The following SCOC variants were observed in gnomAD, a reference collection of about 807,000 sequenced individuals.
SCOC encodes short coiled coil protein.
SCOC carries 7 observed loss-of-function variants against 9.9 expected under a neutral mutation model. That is an observed-to-expected ratio of 0.71 (90% CI 0.40 to 1.33). The LOEUF (loss-of-function observed/expected upper bound fraction) is 1.33. Ranked by LOEUF, SCOC falls within the 40% of genes most tolerant of loss-of-function variation. The probability of loss-of-function intolerance (pLI) is 0.01; values close to 1 mark genes in which losing one functional copy is unlikely to be tolerated. For missense variants in SCOC, 66 were observed against 89.7 expected, an observed-to-expected ratio of 0.74 and a Z score of 1.07; for synonymous variants, 19 against 28.2, an observed-to-expected ratio of 0.67 and a Z score of 1.03.
At chr4:140,365,400 T>G (rs1727747900) in intron 2 of SCOC, among the ~76,000 whole-genome samples, 1 of 152,214 alleles carries the variant, frequency 6.6e-6, no homozygotes, top group African/African-American at 2.4e-5. Context: ...AGACTGCTTT[T>G]GACTTCTTGG....
intron 1 of SCOC, among the ~76,000 whole-genome samples, chr4:140,321,175 C>T (rs993902456): frequency 2.6e-5 from 4 of 152,110 alleles, no homozygotes; most frequent in African/African-American, 9.7e-5. Flanking sequence ...TAAATTAACA[C>T]AAATTCCCAC....
At chr4:140,287,198 CAT>C (rs943959888) in intron 1 of SCOC, among the ~76,000 whole-genome samples, 2 of 151,638 alleles carry the variant, frequency 1.3e-5, no homozygotes, top group African/African-American at 4.9e-5. Flanking sequence ...TACACACACA[CAT>C]CATGTGCAAA....
intron 2 of SCOC, among the ~76,000 whole-genome samples, chr4:140,364,995 A>G (rs769937197): frequency 3.9e-5 from 6 of 152,184 alleles, no homozygotes; most frequent in Non-Finnish European, 8.8e-5. Context: ...GAGCATCATG[A>G]CAGTCTGGAA....
intron 1 of SCOC, among the ~76,000 whole-genome samples, chr4:140,285,987 C>T (rs1731255987): frequency 6.6e-6 from 1 of 151,984 alleles, no homozygotes; most frequent in Non-Finnish European, 1.5e-5. Flanking sequence ...GAGTTTGAGA[C>T]CAGCCTGGCC....
chr4:140,294,015 T>G (rs1434866183), intron 1 of SCOC, among the ~76,000 whole-genome samples: 1 of 152,196 alleles, frequency 6.6e-6, no homozygotes, highest in Non-Finnish European at 1.5e-5. Context: ...GGAAAGAAGT[T>G]AAAGAAGGGC....
chr4:140,330,760 T>C (rs1010977141), intron 1 of SCOC, among the ~76,000 whole-genome samples: 4 of 152,218 alleles, frequency 2.6e-5, no homozygotes, highest in Admixed American at 1.3e-4. Context: ...TGTGAGGATA[T>C]GGACATGAAA....
At chr4:140,317,441 C>T (rs990108756) in intron 1 of SCOC, among the ~76,000 whole-genome samples, 3 of 152,036 alleles carry the variant, frequency 2.0e-5, no homozygotes, top group South Asian at 2.1e-4. Context: ...TGTTCTGTTC[C>T]GTTCTGATTA....
chr4:140,370,894 C>CTTTT (rs200698292), upstream of SCOC, among the ~76,000 whole-genome samples: 1 of 142,954 alleles, frequency 7.0e-6, no homozygotes, highest in Non-Finnish European at 1.5e-5. Flanking sequence ...TGTCTGAATT[C>CTTTT]TTTTTTTTTT....
intron 1 of SCOC, among the ~76,000 whole-genome samples, chr4:140,277,320 G>T (rs1354510547): frequency 6.6e-6 from 1 of 152,126 alleles, no homozygotes; most frequent in Non-Finnish European, 1.5e-5. Context: ...GAGTTGGGGG[G>T]GGCAGGGGGT....
intron 2 of SCOC, among the ~76,000 whole-genome samples, chr4:140,357,083 C>T (rs1423894302): frequency 6.6e-6 from 1 of 152,144 alleles, no homozygotes; most frequent in Non-Finnish European, 1.5e-5. Context: ...GATTTTCCTG[C>T]CTCAGCCTCT....
chr4:140,366,769 A>G (rs1727816758), intron 2 of SCOC: 7 of 1,452,072 alleles, frequency 4.8e-6, no homozygotes, highest in Non-Finnish European at 5.8e-6. Context: ...GTTTTGATCA[A>G]TAACATCTAC....
intron 2 of SCOC, among the ~76,000 whole-genome samples, chr4:140,363,278 C>T (rs577106937): frequency 1.1e-3 from 162 of 152,246 alleles, no homozygotes; most frequent in Middle Eastern, 3.4e-3. Context: ...AACAGGCAAT[C>T]GTTAGCTTGT....
At chr4:140,300,567 C>A (rs1391548478) in intron 1 of SCOC, among the ~76,000 whole-genome samples, 1 of 152,208 alleles carries the variant, frequency 6.6e-6, no homozygotes, top group Non-Finnish European at 1.5e-5. Flanking sequence ...GGTGTCTCTG[C>A]TGGGCATTTG....
At chr4:140,322,529 G>A (rs182115570) in intron 1 of SCOC, among the ~76,000 whole-genome samples, 7 of 152,280 alleles carry the variant, frequency 4.6e-5, no homozygotes, top group Admixed American at 4.6e-4. Context: ...AAAGAACTTA[G>A]CTGAATTATG....
chr4:140,318,094 A>T (rs541337151), intron 1 of SCOC, among the ~76,000 whole-genome samples: 36 of 152,076 alleles, frequency 2.4e-4, no homozygotes, highest in African/African-American at 8.7e-4. Context: ...AATCCAGTTG[A>T]TTTAAACGTT....
chr4:140,308,947 C>G (rs996802191), intron 1 of SCOC, among the ~76,000 whole-genome samples: 12 of 152,128 alleles, frequency 7.9e-5, no homozygotes, highest in African/African-American at 2.9e-4. Flanking sequence ...TAGCCACAGC[C>G]CCAGTGTTTT....
Position 140,318,644 on chromosome 4 carries a change from A to G in SCOC, c.-18-24977A>G, listed in dbSNP as rs765288231. Among the ~76,000 whole-genome samples, 113 of 135,140 alleles carry G rather than the reference A, an allele frequency of 8.4e-4. 2 individuals are homozygous for G. The highest frequency in any genetic ancestry group is 1.1e-3 in the Non-Finnish European group (70 of 64,568). 88.7% of individuals were successfully genotyped at this position (135,140 alleles called of 152,430 possible). On this transcript the variant is annotated intron_variant, in intron 1 of 4. Coordinates refer to the SCOC transcript ENST00000394205. Reference sequence around the variant, plus strand: ...TACACTGTTGGTGGGACTGTAAACTAGTTCAACCATTGTGGAAGTCAGTGT... The same window carrying G: ...TACACTGTTGGTGGGACTGTAAACTGGTTCAACCATTGTGGAAGTCAGTGT...
At chr4:140,358,735 T>C (rs1295731590) in intron 2 of SCOC, among the ~76,000 whole-genome samples, 2 of 152,220 alleles carry the variant, frequency 1.3e-5, no homozygotes, top group Non-Finnish European at 2.9e-5. Context: ...GGAAACCTGG[T>C]TGAGAAAGGC....
At chr4:140,324,718 T>C (rs981691104) in intron 1 of SCOC, among the ~76,000 whole-genome samples, 1 of 152,124 alleles carries the variant, frequency 6.6e-6, no homozygotes, top group Non-Finnish European at 1.5e-5. Flanking sequence ...ACTGTGTTCA[T>C]GATTTGGAAG....
Sources: allele counts gnomAD v4.1 joint callset (sites outside exome capture counted in the v4.1 genomes callset), GRCh38; gene constraint gnomAD v4.1.1; transcripts MANE v1.5; gene names NCBI Gene and HGNC (gene_info 2026-07-23, HGNC 2026-07-21).